Variants in MAD1L1 observed in about 807,000 individuals in gnomAD.
The protein encoded by MAD1L1 is mitotic arrest deficient 1 like 1.
In MAD1L1, 95 loss-of-function variants were observed where a neutral mutation model predicts 96.9. The observed-to-expected ratio is 0.98, with a 90% CI of 0.83 to 1.16. The LOEUF (loss-of-function observed/expected upper bound fraction) is 1.16. Among genes scored for constraint, MAD1L1 ranks in the 50% most tolerant of loss-of-function variants. The probability of loss-of-function intolerance (pLI) is 0.00; values close to 1 mark genes in which losing one functional copy is unlikely to be tolerated. For missense variants in MAD1L1, 1,007 were observed against 954.4 expected, an observed-to-expected ratio of 1.06 and a Z score of -0.73; for synonymous variants, 473 against 396.6, an observed-to-expected ratio of 1.19 and a Z score of -2.29.
intron 10 of MAD1L1, among the ~76,000 whole-genome samples, chr7:2,176,398 G>C (rs1790949248): frequency 6.6e-6 from 1 of 152,024 alleles, no homozygotes; most frequent in Non-Finnish European, 1.5e-5. Flanking sequence ...TTTTCCCCCA[G>C]ATCAAAAATA....
In MAD1L1 at chr7:1,815,961, C is replaced by T; in HGVS notation, c.*109G>A. On this transcript the variant is annotated 3_prime_UTR_variant, in exon 19 of 19. Coordinates refer to ENST00000265854, the MANE Select transcript of MAD1L1 (RefSeq NM_001013836.2). ...CGTGTCTGTCAGTCATGCTGCTGCC[C>T]TGTGGGGCTGGAGAGGCAGGACGTG... 1 of 1,290,418 alleles carries T rather than the reference C, an allele frequency of 7.7e-7. No individual in the cohort carries two copies. The highest frequency in any genetic ancestry group is 2.5e-5 in the East Asian group (1 of 39,296). The allele number at this position is 1,290,418 out of a possible 1,614,324, so 79.9% of individuals were successfully genotyped here. A position where few individuals can be genotyped will look rare whatever the true frequency, so the allele number is the denominator to read the frequency against.
chr7:2,118,802 T>C (rs932505184), intron 11 of MAD1L1, among the ~76,000 whole-genome samples: 1 of 152,124 alleles, frequency 6.6e-6, no homozygotes, highest in Non-Finnish European at 1.5e-5. Flanking sequence ...CCACGTCATA[T>C]CTCACAGGCA....
chr7:1,976,757 GAC>G (rs1780661695), intron 15 of MAD1L1, among the ~76,000 whole-genome samples: 1 of 152,218 alleles, frequency 6.6e-6, no homozygotes, highest in Non-Finnish European at 1.5e-5. Flanking sequence ...CCTTTAGCTA[GAC>G]ACAGAGTGCT....
At chr7:1,882,825 G>A (rs938076520) in intron 18 of MAD1L1, among the ~76,000 whole-genome samples, 6 of 152,352 alleles carry the variant, frequency 3.9e-5, no homozygotes, top group South Asian at 2.1e-4. Flanking sequence ...ATCCTGGGTC[G>A]GTGCTGAGGT....
chr7:2,051,547 T>C (rs968570258), intron 12 of MAD1L1, among the ~76,000 whole-genome samples: 2 of 152,122 alleles, frequency 1.3e-5, no homozygotes, highest in Non-Finnish European at 2.9e-5. Context: ...TCACACTTAA[T>C]GCAGAAAAGC....
At chr7:1,919,209 G>A (rs1363272982) in intron 17 of MAD1L1, among the ~76,000 whole-genome samples, 1 of 152,256 alleles carries the variant, frequency 6.6e-6, no homozygotes, top group East Asian at 1.9e-4. Flanking sequence ...CTGAGATGCA[G>A]AGAGAAAAGG....
At chr7:1,890,731 A>T (rs1294135147) in intron 18 of MAD1L1, among the ~76,000 whole-genome samples, 4 of 152,108 alleles carry the variant, frequency 2.6e-5, no homozygotes, top group Non-Finnish European at 1.5e-5. Context: ...CTGTTTTATC[A>T]GCTCTCCATC....
intron 18 of MAD1L1, among the ~76,000 whole-genome samples, chr7:1,827,431 G>A (rs1301881089): frequency 5.9e-5 from 8 of 134,762 alleles, no homozygotes; most frequent in African/African-American, 1.4e-4. Flanking sequence ...TCCTGAGCCC[G>A]TCGCGGGTGT....
At chr7:1,838,732 T>C (rs996537913) in intron 18 of MAD1L1, 13 of 470,558 alleles carry the variant, frequency 2.8e-5, no homozygotes, top group African/African-American at 4.0e-5. Context: ...CATTCCAAGA[T>C]AGACTGTGAT....
intron 10 of MAD1L1, among the ~76,000 whole-genome samples, chr7:2,157,648 C>G (rs1343845002): frequency 6.9e-6 from 1 of 144,602 alleles, no homozygotes; most frequent in African/African-American, 2.6e-5. Context: ...AGGGCTGGAG[C>G]TCCACCACCA....
chr7:2,215,131 C>T (rs1793193611), intron 9 of MAD1L1, among the ~76,000 whole-genome samples: 2 of 152,110 alleles, frequency 1.3e-5, no homozygotes, highest in African/African-American at 2.4e-5. Context: ...ATAATCCCAG[C>T]ACTTTGGGAG....
intron 11 of MAD1L1, among the ~76,000 whole-genome samples, chr7:2,127,753 G>A (rs1335572266): frequency 6.6e-6 from 1 of 152,182 alleles, no homozygotes; most frequent in Non-Finnish European, 1.5e-5. Flanking sequence ...TGCACTCCGG[G>A]AAACGTGCAA....
intron 18 of MAD1L1, among the ~76,000 whole-genome samples, chr7:1,878,740 C>A (rs1004289609): frequency 8.9e-4 from 132 of 148,580 alleles, no homozygotes; most frequent in African/African-American, 3.1e-3. Flanking sequence ...GTCCCCCCCC[C>A]CCCATTCTTA....
intron 12 of MAD1L1, among the ~76,000 whole-genome samples, chr7:2,021,700 G>A (rs1782794974): frequency 6.6e-6 from 1 of 152,120 alleles, no homozygotes; most frequent in Admixed American, 6.5e-5. Flanking sequence ...AGGAAGTGGA[G>A]GCTATAGTGA....
chr7:1,824,385 C>G (rs1289496648), intron 18 of MAD1L1, among the ~76,000 whole-genome samples: 2 of 152,158 alleles, frequency 1.3e-5, no homozygotes, highest in Admixed American at 6.5e-5. Flanking sequence ...TGGGCATTGC[C>G]GAGAAGACTA....
In MAD1L1 at chr7:1,936,750, C is replaced by T. The variant is rs1429483011; in HGVS notation, c.1744G>A (p.Gly582Ser). 2.6e-6 allele frequency: 4 copies of T among 1,568,426 alleles called. No individual in the cohort carries two copies. Among genetic ancestry groups the T allele is most frequent in the African/African-American group, 1.3e-5 (1 of 74,158 alleles). ...GCCTCAAGGTCGGCTGGGACGGTGC[C>T]TCCTCTCTCCATGGCGCGCAGGAGC... ...RGLLRAMERG[G>S]TVPADLEAAA... is the part of the protein sequence containing the mutation. The change falls in exon 17 of 19, where the codon GGC (glycine) becomes AGC (serine). Residue 582 changes from glycine (G) to serine (S), a missense_variant. By Grantham distance (56) the Gly-to-Ser change is moderately conservative (BLOSUM62 0). Coordinates refer to ENST00000265854, the MANE Select transcript of MAD1L1 (RefSeq NM_001013836.2).
At chr7:2,228,218 A>G (rs1794008769) in intron 3 of MAD1L1, among the ~76,000 whole-genome samples, 1 of 152,024 alleles carries the variant, frequency 6.6e-6, no homozygotes, top group South Asian at 2.1e-4. Context: ...AGAATCCCAC[A>G]GCTTTGACAG....
intron 11 of MAD1L1, among the ~76,000 whole-genome samples, chr7:2,143,633 T>C (rs1789151532): frequency 6.6e-6 from 1 of 151,762 alleles, no homozygotes; most frequent in South Asian, 2.1e-4. Context: ...CCCAGGCCCC[T>C]GATGGCAGCA....
intron 17 of MAD1L1, among the ~76,000 whole-genome samples, chr7:1,934,543 C>T (rs561022899): frequency 3.4e-5 from 5 of 148,824 alleles, no homozygotes; most frequent in African/African-American, 1.0e-4. Context: ...ACCCGAGATG[C>T]GCAGAGACCC....
Sources: gnomAD v4.1 joint callset for allele counts (sites outside exome capture counted in the v4.1 genomes callset) on GRCh38, gnomAD v4.1.1 for gene constraint, MANE v1.5 for transcripts, NCBI Gene and HGNC (gene_info 2026-07-23, HGNC 2026-07-21) for gene names.